Variants in KCNC2 observed in about 807,000 individuals in gnomAD.
KCNC2 encodes the protein potassium voltage-gated channel subfamily C member 2.
In KCNC2, 21 loss-of-function variants were observed where a neutral mutation model predicts 44.5. The ratio of observed to expected loss-of-function variants is 0.47; its 90% CI spans 0.33 to 0.68. KCNC2 has a LOEUF of 0.68. Among genes scored for constraint, KCNC2 ranks in the 30% least tolerant of loss-of-function variants. The pLI is 0.01. For synonymous variants in KCNC2, 391 were observed against 339.1 expected, an observed-to-expected ratio of 1.15 and a Z score of -1.68; for missense variants, 589 against 826.2, an observed-to-expected ratio of 0.71 and a Z score of 3.52.
intron 2 of KCNC2, among the ~76,000 whole-genome samples, chr12:75,055,862 G>A (rs1881690313): frequency 1.3e-5 from 2 of 152,038 alleles, no homozygotes; most frequent in Non-Finnish European, 2.9e-5. Flanking sequence ...TAGGCAGAGA[G>A]AAAGTGATGA....
chr12:75,116,317 A>T (rs1451895160), intron 2 of KCNC2, among the ~76,000 whole-genome samples: 1 of 152,182 alleles, frequency 6.6e-6, no homozygotes, highest in African/African-American at 2.4e-5. Context: ...CCTCAAAGAG[A>T]ATATCAGAAG....
intron 2 of KCNC2, among the ~76,000 whole-genome samples, chr12:75,060,551 G>A (rs114067286): frequency 0.017 from 2,542 of 152,016 alleles, 72 homozygotes; most frequent in African/African-American, 0.056. Context: ...TTGCAGCCTT[G>A]ATCTCCTGGG....
At chr12:75,082,844 C>G (rs936494393) in intron 2 of KCNC2, among the ~76,000 whole-genome samples, 2 of 151,558 alleles carry the variant, frequency 1.3e-5, no homozygotes, top group African/African-American at 4.8e-5. Context: ...ATTTTTGCAT[C>G]TAGAGATGGA....
Position 75,048,232 on chromosome 12 carries a change from G to C in KCNC2, c.1701C>G (p.Asp567Glu), listed in dbSNP as rs145707014. The change falls in exon 4 of 5, where the codon GAC (aspartate) becomes GAG (glutamate). Residue 567 changes from aspartate (D) to glutamate (E), a missense_variant. Physicochemically the swap from Asp to Glu is conservative, Grantham distance 45 (BLOSUM62 2). Transcript: ENST00000549446. ...RLPIRRSSTRDKNRRGETCFL... is the reference protein window; with the variant it reads ...RLPIRRSSTREKNRRGETCFL... ...AACATGTTTCCCCTCTTCTGTTTTTGTCTCTGGTACTAGAGCGTCTGATGG... is the reference window on the plus strand; with the variant it reads ...AACATGTTTCCCCTCTTCTGTTTTTCTCTCTGGTACTAGAGCGTCTGATGG... 9 of 1,612,802 alleles carry C rather than the reference G, an allele frequency of 5.6e-6. No homozygotes were observed. The African/African-American group carries it at 8.0e-5, about 14-fold the overall frequency.
At chr12:75,196,934 G>A (rs113701571) in intron 2 of KCNC2, among the ~76,000 whole-genome samples, 51 of 152,166 alleles carry the variant, frequency 3.4e-4, no homozygotes, top group African/African-American at 1.2e-3. Context: ...AGCTTGATTT[G>A]TCTCTTAATT....
chr12:75,067,727 G>A (rs1454130178), intron 2 of KCNC2, among the ~76,000 whole-genome samples: 1 of 152,142 alleles, frequency 6.6e-6, no homozygotes, highest in Non-Finnish European at 1.5e-5. Context: ...TATGGAGAAT[G>A]TGTTCAAGAG....
chr12:75,205,886 G>A (rs1429598011), intron 2 of KCNC2, among the ~76,000 whole-genome samples: 1 of 132,492 alleles, frequency 7.5e-6, no homozygotes, highest in African/African-American at 2.8e-5. Flanking sequence ...TTGAATTTAT[G>A]GCATGGCCTG....
chr12:75,162,436 G>A (rs1325955834), intron 2 of KCNC2, among the ~76,000 whole-genome samples: 1 of 151,654 alleles, frequency 6.6e-6, no homozygotes, highest in East Asian at 1.9e-4. Flanking sequence ...AGGTTTGTGG[G>A]ACTCTTTGCC....
Position 75,040,797 on chromosome 12 carries a change from C to G in KCNC2, c.*2308G>C. 3.2e-6 allele frequency: 1 copy of G among 312,572 alleles called. No individual in the cohort carries two copies. The highest frequency in any genetic ancestry group is 6.1e-6 in the Non-Finnish European group (1 of 165,198). 19.4% of individuals were successfully genotyped at this position (312,572 alleles called of 1,614,324 possible). On this transcript the variant is annotated 3_prime_UTR_variant, in exon 5 of 5. Coordinates refer to ENST00000549446, the MANE Select transcript of KCNC2 (RefSeq NM_139137.4). Reference sequence around the variant, plus strand: ...AACTATACTACATCAGTATCACTGCCTTAAGTAATTCACAGCACAACCTAA... The same window carrying G: ...AACTATACTACATCAGTATCACTGCGTTAAGTAATTCACAGCACAACCTAA...
intron 2 of KCNC2, among the ~76,000 whole-genome samples, chr12:75,153,849 C>T (rs1226523090): frequency 6.6e-6 from 1 of 151,468 alleles, no homozygotes; most frequent in Non-Finnish European, 1.5e-5. Context: ...ATGTCTTCAC[C>T]CTCATTATCT....
chr12:75,179,259 G>A (rs767099253), intron 2 of KCNC2, among the ~76,000 whole-genome samples: 1 of 151,756 alleles, frequency 6.6e-6, no homozygotes, highest in Non-Finnish European at 1.5e-5. Context: ...ACATTCAGAG[G>A]GCGAAATTTT....
intron 2 of KCNC2, among the ~76,000 whole-genome samples, chr12:75,131,960 C>T (rs899297134): frequency 1.3e-5 from 2 of 152,200 alleles, no homozygotes; most frequent in Non-Finnish European, 1.5e-5. Flanking sequence ...TTTTAAACCA[C>T]GAAGATTGTG....
At chr12:75,089,065 A>G (rs1207570548) in intron 2 of KCNC2, among the ~76,000 whole-genome samples, 2 of 151,954 alleles carry the variant, frequency 1.3e-5, no homozygotes, top group Non-Finnish European at 2.9e-5. Context: ...TTGACTACAA[A>G]TGTTCATAAC....
At chr12:75,191,986 A>C (rs1223928569) in intron 2 of KCNC2, among the ~76,000 whole-genome samples, 2 of 152,196 alleles carry the variant, frequency 1.3e-5, no homozygotes, top group Non-Finnish European at 2.9e-5. Flanking sequence ...GCTATAATGT[A>C]CCTATGCTTC....
In KCNC2 at chr12:75,041,381, G is replaced by C. The variant is rs1879885821; in HGVS notation, c.*1724C>G. 1 of 1,419,366 alleles carries C rather than the reference G, an allele frequency of 7.0e-7. No individual in the cohort carries two copies. Among genetic ancestry groups the C allele is most frequent in the Non-Finnish European group, 9.2e-7 (1 of 1,085,180 alleles). The allele number at this position is 1,419,366 out of a possible 1,614,324, so 87.9% of individuals were successfully genotyped here. ...ACAACATCTCCAACATGCAGGTCATGCTCTAGGACTTGGGGATATAGAGTA... is the reference window on the plus strand; with the variant it reads ...ACAACATCTCCAACATGCAGGTCATCCTCTAGGACTTGGGGATATAGAGTA... On this transcript the variant is annotated 3_prime_UTR_variant, in exon 5 of 5. Coordinates refer to ENST00000549446, the MANE Select transcript of KCNC2 (RefSeq NM_139137.4).
chr12:75,046,037 G>A, intron 4 of KCNC2, among the ~76,000 whole-genome samples: 1 of 151,704 alleles, frequency 6.6e-6, no homozygotes, highest in African/African-American at 2.4e-5. Flanking sequence ...GAATAAATTT[G>A]TGATAGATAT....
chr12:75,207,186 G>A lies in KCNC2; in HGVS notation c.687+111C>T, dbSNP rs2137824692. 2.1e-6 allele frequency: 3 copies of A among 1,452,584 alleles called. No homozygotes were observed. The highest frequency in any genetic ancestry group is 2.9e-5 in the Admixed American group (1 of 34,466). The allele number at this position is 1,452,584 out of a possible 1,614,324, so 90.0% of individuals were successfully genotyped here. On this transcript the variant is annotated intron_variant, in intron 2 of 4. Coordinates refer to ENST00000549446, the MANE Select transcript of KCNC2 (RefSeq NM_139137.4). This position sits in a 1 kb window ranked among gnomAD's most constrained non-coding sequence, Gnocchi z 4.1. ...TCTAACTGTATCGCTAGGAAATCCC[G>A]GGTCTCTTCTACCCCCCATGCCTGA...
At chr12:75,203,356 C>T (rs1030347493) in intron 2 of KCNC2, among the ~76,000 whole-genome samples, 1 of 151,652 alleles carries the variant, frequency 6.6e-6, no homozygotes, top group African/African-American at 2.4e-5. Flanking sequence ...ATGGCTTCTA[C>T]GGAGTACGTT....
In KCNC2 at chr12:75,041,770, T is replaced by C. The variant is rs909292284; in HGVS notation, c.*1335A>G. ...GCTTAAACCCTGCTTATCAAAAAGATTCACAGTGCCGATTAACTTAGGTAG... is the reference window on the plus strand; with the variant it reads ...GCTTAAACCCTGCTTATCAAAAAGACTCACAGTGCCGATTAACTTAGGTAG... On this transcript the variant is annotated 3_prime_UTR_variant, in exon 5 of 5. Coordinates refer to ENST00000549446, the MANE Select transcript of KCNC2 (RefSeq NM_139137.4). The C allele has an allele frequency of 4.0e-6, 4 of 991,368 alleles. No individual in the cohort carries two copies. Among genetic ancestry groups the C allele is most frequent in the Middle Eastern group, 5.2e-4 (1 of 1,922 alleles). 61.4% of individuals were successfully genotyped at this position (991,368 alleles called of 1,614,324 possible).
Sources: allele counts gnomAD v4.1 joint callset (sites outside exome capture counted in the v4.1 genomes callset), GRCh38; gene constraint gnomAD v4.1.1; non-coding constraint Gnocchi (gnomAD v3.1); transcripts MANE v1.5; gene names NCBI Gene and HGNC (gene_info 2026-07-23, HGNC 2026-07-21).